KCNK2: variants seen among roughly 807,000 people sequenced by gnomAD.
KCNK2 encodes potassium two pore domain channel subfamily K member 2.
KCNK2 carries 21 observed loss-of-function variants against 40.5 expected under a neutral mutation model. That is an observed-to-expected ratio of 0.52 (90% CI 0.37 to 0.75). The LOEUF (loss-of-function observed/expected upper bound fraction) is 0.75. Ranked by LOEUF, KCNK2 falls within the 30% of genes least tolerant of loss-of-function variation. KCNK2 has a pLI of 0.00. For synonymous variants in KCNK2, 191 were observed against 202.2 expected (o/e 0.94, Z 0.47); for missense variants, 399 against 531.6 (o/e 0.75, Z 2.45).
intron 3 of KCNK2, among the ~76,000 whole-genome samples, chr1:215,140,078 A>C (rs1023990583): frequency 6.6e-6 from 1 of 152,172 alleles, no homozygotes; most frequent in Non-Finnish European, 1.5e-5. Context: ...TGCTGGCATA[A>C]GTATCTGTCT....
chr1:215,076,920 G>T (rs2102519546), intron 1 of KCNK2, among the ~76,000 whole-genome samples: 1 of 152,302 alleles, frequency 6.6e-6, no homozygotes, highest in South Asian at 2.1e-4. Context: ...ATATGTATGT[G>T]GCTTAAGGTG....
chr1:215,059,414 C>T (rs74140899), intron 1 of KCNK2, among the ~76,000 whole-genome samples: 3,693 of 144,544 alleles, frequency 0.026, 152 homozygotes, highest in African/African-American at 0.086. Context: ...GAAAGCCTTC[C>T]GAGTGCTCCC....
intron 1 of KCNK2, among the ~76,000 whole-genome samples, chr1:215,066,375 A>G (rs1238193486): frequency 6.6e-6 from 1 of 152,212 alleles, no homozygotes; most frequent in Non-Finnish European, 1.5e-5. Flanking sequence ...TACCAAATTT[A>G]CCCCTGTATT....
intron 6 of KCNK2, among the ~76,000 whole-genome samples, chr1:215,223,035 A>G (rs1165895586): frequency 2.0e-5 from 3 of 151,980 alleles, no homozygotes; most frequent in African/African-American, 7.2e-5. Context: ...TTAAAATACC[A>G]CCTCCAAAAG....
At chr1:215,177,740 A>ATTTATTTTT (rs1664044797) in intron 5 of KCNK2, among the ~76,000 whole-genome samples, 1 of 101,600 alleles carries the variant, frequency 9.8e-6, no homozygotes. Context: ...ATATATATAT[A>ATTTATTTTT]TTTTTTTTTT....
intron 5 of KCNK2, among the ~76,000 whole-genome samples, chr1:215,175,450 T>C (rs574601585): frequency 2.2e-5 from 1 of 46,466 alleles, no homozygotes; most frequent in South Asian, 4.3e-4. Flanking sequence ...CTGCCTCTGA[T>C]TTTTTTTTTG....
chr1:215,205,219 C>A (rs774710096), intron 6 of KCNK2, among the ~76,000 whole-genome samples: 12 of 152,088 alleles, frequency 7.9e-5, no homozygotes, highest in Non-Finnish European at 1.3e-4. Context: ...GATTTGTGGG[C>A]AGAATTCATA....
chr1:215,225,102 A>C (rs967515472), intron 6 of KCNK2, among the ~76,000 whole-genome samples: 1 of 152,196 alleles, frequency 6.6e-6, no homozygotes. Flanking sequence ...GCCAACACTA[A>C]GCCCAGGACT....
At chr1:215,088,701 G>A (rs538716740) in intron 2 of KCNK2, among the ~76,000 whole-genome samples, 2 of 152,160 alleles carry the variant, frequency 1.3e-5, no homozygotes, top group African/African-American at 4.8e-5. Context: ...ATAACTTGAA[G>A]GTCATGGCAG....
chr1:215,202,876 C>G (rs1222077539), intron 6 of KCNK2, among the ~76,000 whole-genome samples: 1 of 152,132 alleles, frequency 6.6e-6, no homozygotes, highest in Non-Finnish European at 1.5e-5. Flanking sequence ...CATGGCCCAG[C>G]CTTTTAACGT....
intron 6 of KCNK2, among the ~76,000 whole-genome samples, chr1:215,233,287 G>A (rs1405566191): frequency 6.6e-6 from 1 of 151,554 alleles, no homozygotes; most frequent in East Asian, 1.9e-4. Flanking sequence ...ATTATTTCTT[G>A]TTAAGACAGT....
intron 6 of KCNK2, among the ~76,000 whole-genome samples, chr1:215,214,418 C>T (rs1031945998): frequency 1.3e-5 from 2 of 152,164 alleles, no homozygotes; most frequent in Admixed American, 1.3e-4. Flanking sequence ...CTGGAAATTA[C>T]AATTTGACAT....
intron 2 of KCNK2, among the ~76,000 whole-genome samples, chr1:215,103,288 A>G (rs1660300225): frequency 6.6e-6 from 1 of 151,966 alleles, no homozygotes; most frequent in African/African-American, 2.4e-5. Flanking sequence ...AGATGATACT[A>G]GATGATTCTC....
At chr1:215,029,642 T>C (rs1435163312) in intron 1 of KCNK2, among the ~76,000 whole-genome samples, 1 of 147,842 alleles carries the variant, frequency 6.8e-6, no homozygotes, top group Admixed American at 6.8e-5. Flanking sequence ...TAAATATTGA[T>C]ATATTTAATA....
At chr1:215,136,964 TCTTAA>T (rs2102596285) in intron 3 of KCNK2, among the ~76,000 whole-genome samples, 1 of 152,342 alleles carries the variant, frequency 6.6e-6, no homozygotes, top group African/African-American at 2.4e-5. Flanking sequence ...AACTGTGTCT[TCTTAA>T]CTTTATTAAT....
At chr1:215,187,182 C>A (rs1197104414) in intron 5 of KCNK2, among the ~76,000 whole-genome samples, 1 of 152,110 alleles carries the variant, frequency 6.6e-6, no homozygotes, top group Non-Finnish European at 1.5e-5. Context: ...GTTGCCCATG[C>A]TGGTCTTGAA....
intron 6 of KCNK2, among the ~76,000 whole-genome samples, chr1:215,207,684 C>T (rs1485606352): frequency 2.0e-5 from 3 of 152,138 alleles, no homozygotes; most frequent in Non-Finnish European, 4.4e-5. Flanking sequence ...AATTCTAGCT[C>T]CCATCCAGCA....
At chr1:215,125,126 C>T (rs1386238938) in intron 3 of KCNK2, among the ~76,000 whole-genome samples, 5 of 152,108 alleles carry the variant, frequency 3.3e-5, no homozygotes, top group South Asian at 4.1e-4. Flanking sequence ...GAAGTTCTTA[C>T]GTGATATCAC....
chr1:215,021,537 CTT>C lies in KCNK2; in HGVS notation c.34+15607_34+15608del, dbSNP rs538476962. Among the ~76,000 whole-genome samples, 81 of 96,326 alleles carry C rather than the reference CTT, an allele frequency of 8.4e-4. 1 individual carries two copies. Among genetic ancestry groups the C allele is most frequent in the South Asian group, 7.4e-3 (13 of 1,762 alleles). The allele number at this position is 96,326 out of a possible 152,430, so 63.2% of individuals were successfully genotyped here. On this transcript the variant is annotated intron_variant, in intron 1 of 6. Coordinates refer to the KCNK2 transcript ENST00000391895. ...TCTCTTCTGGAGCTGGGACAACCAT[CTT>C]TTTTTTTTTTTTTTTTTTTTTTTTG...
Sources: allele counts gnomAD v4.1 joint callset (sites outside exome capture counted in the v4.1 genomes callset), GRCh38; gene constraint gnomAD v4.1.1; transcripts MANE v1.5; gene names NCBI Gene and HGNC (gene_info 2026-07-23, HGNC 2026-07-21).